Variants in PRAMEF27 observed in about 807,000 individuals in gnomAD.
The protein encoded by PRAMEF27 is PRAME family member 27.
PRAMEF27 carries 5 observed loss-of-function variants against 21.0 expected under a neutral mutation model. The ratio of observed to expected loss-of-function variants is 0.24; its 90% CI spans 0.12 to 0.50. The LOEUF is 0.50. PRAMEF27 is among the 20% of genes least tolerant of loss of function. The pLI, the probability that PRAMEF27 is intolerant of heterozygous loss-of-function variation, is 0.98. For synonymous variants in PRAMEF27, 61 were observed against 211.2 expected, an observed-to-expected ratio of 0.29 and a Z score of 6.17; for missense variants, 138 against 541.4, an observed-to-expected ratio of 0.25 and a Z score of 7.39.
At chr1:13,052,854 A>AT in intron 2 of PRAMEF27, 155 bp from the exon 3 acceptor site, 4 of 1,023,698 alleles carry the variant, frequency 3.9e-6, no homozygotes, top group Non-Finnish European at 2.5e-6. Context: ...CCACTTCCAC[A>AT]TTTTTTTGTT....
At chr1:13,053,750 C>G (rs1332868419) in intron 1 of PRAMEF27, 75 bp from the exon 2 acceptor site, 8 of 1,511,420 alleles carry the variant, frequency 5.3e-6, no homozygotes, top group Non-Finnish European at 7.0e-6. Flanking sequence ...CTCCTATGGC[C>G]AAACTCACTG....
Position 13,056,078 on chromosome 1 carries a change from T to C in PRAMEF27, c.-17+336A>G, listed in dbSNP as rs1170696122. 8.5e-5 allele frequency: 10 copies of C among 117,242 alleles called. 1 individual carries two copies. Among genetic ancestry groups the C allele is most frequent in the Non-Finnish European group, 1.6e-4 (10 of 63,424 alleles). The allele number at this position is 117,242 out of a possible 1,614,324, so 7.3% of individuals were successfully genotyped here. On this transcript the variant is annotated intron_variant, in intron 1 of 3. Transcript: ENST00000436041. ...CTCCACCCTCAAAAAAAACGTTGTG[T>C]AGAGGAGGGTTTTTGTCATGTTGCC...
At position 13,053,529 on chromosome 1, in the gene PRAMEF27, T is replaced by G; in HGVS notation, c.131A>C (p.Glu44Ala). ...CTCACAGCATCTCCTGCTGAAGGCC[T>G]CCATGAACAGTGGGGGGAAAAGTTC... is the stretch of plus-strand genomic sequence containing the variant. ...PTELFPPLFMEAFSRRCCEAL... is the reference protein window; with the variant it reads ...PTELFPPLFMAAFSRRCCEAL... The change falls in exon 2 of 4, where the codon GAG becomes GCG. Residue 44 changes from glutamate (E) to alanine (A), a missense_variant. By Grantham distance (107) the Glu-to-Ala change is moderately radical. Coordinates refer to ENST00000436041, the MANE Select transcript of PRAMEF27 (RefSeq NM_001300891.2). The G allele has an allele frequency of 1.3e-6, 2 of 1,503,778 alleles. No individual in the cohort carries two copies. Among genetic ancestry groups the G allele is most frequent in the Non-Finnish European group, 8.9e-7 (1 of 1,128,062 alleles). 93.2% of individuals were successfully genotyped at this position (1,503,778 alleles called of 1,614,324 possible). A position where few individuals can be genotyped will look rare whatever the true frequency, so the allele number is the denominator to read the frequency against.
At chr1:13,053,837 C>T (rs1642230167) in intron 1 of PRAMEF27, 162 bp from the exon 2 acceptor site, 6 of 1,030,180 alleles carry the variant, frequency 5.8e-6, no homozygotes, top group Non-Finnish European at 7.8e-6. Flanking sequence ...CAGCATTGTG[C>T]CTCTGCTGCA....
intron 1 of PRAMEF27, chr1:13,055,640 T>C (rs1314975697): frequency 2.0e-5 from 3 of 151,334 alleles, no homozygotes; most frequent in Non-Finnish European, 2.9e-5. Context: ...ATTTTGTTTT[T>C]GTTTTTGGAC....
chr1:13,056,278 AG>A (rs1412501334), intron 1 of PRAMEF27, 135 bp downstream of exon 1: 2 of 118,746 alleles, frequency 1.7e-5, no homozygotes, highest in African/African-American at 5.8e-5. Context: ...AAAAATTCAA[AG>A]CTTCAAATTG....
Position 13,053,855 on chromosome 1 carries a change from G to A in PRAMEF27, c.-16-180C>T, listed in dbSNP as rs1485633897. 169 of 894,596 alleles carry A rather than the reference G, an allele frequency of 1.9e-4. 21 individuals are homozygous for A. The highest frequency in any genetic ancestry group is 1.5e-3 in the Middle Eastern group (4 of 2,660). The allele number at this position is 894,596 out of a possible 1,614,324, so 55.4% of individuals were successfully genotyped here. On this transcript the variant is annotated intron_variant, in intron 1 of 3. Coordinates refer to ENST00000436041, the MANE Select transcript of PRAMEF27 (RefSeq NM_001300891.2). ...CATTGTGCCTCTGCTGCATCAGCATGAGCGTCTCCGAAGCAGTGAGGAAGC... is the reference window on the plus strand; with the variant it reads ...CATTGTGCCTCTGCTGCATCAGCATAAGCGTCTCCGAAGCAGTGAGGAAGC...
At position 13,053,495 on chromosome 1, in the gene PRAMEF27, C is replaced by T. The variant is rs1642225393; in HGVS notation, c.165G>A (p.Lys55=). 8.8e-6 allele frequency: 13 copies of T among 1,476,422 alleles called. 1 individual carries two copies. In the East Asian group the frequency reaches 2.8e-4, roughly 31 times the overall value. 91.5% of individuals were successfully genotyped at this position (1,476,422 alleles called of 1,614,324 possible). The stretch of plus-strand genomic sequence containing the variant: ...GGAAGGGCCAGGCCTGCACCATCAG[C>T]TTCAGGGCCTCACAGCATCTCCTGC... ...AFSRRCCEAL[K]LMVQAWPFRR... The change falls in exon 2 of 4, where the codon AAG becomes AAA. Residue 55 remains lysine, a synonymous_variant. Transcript: ENST00000436041.
intron 1 of PRAMEF27, 98 bp from the exon 2 acceptor site, chr1:13,053,773 T>C: frequency 7.0e-7 from 1 of 1,421,552 alleles, no homozygotes; most frequent in East Asian, 2.6e-5. Flanking sequence ...CTGGCAATGG[T>C]GAAACAGCCC....
chr1:13,053,789 T>C lies in PRAMEF27; in HGVS notation c.-16-114A>G. 2 of 1,337,448 alleles carry C rather than the reference T, an allele frequency of 1.5e-6. 1 individual carries two copies. 82.8% of individuals were successfully genotyped at this position (1,337,448 alleles called of 1,614,324 possible). A position where few individuals can be genotyped will look rare whatever the true frequency, so the allele number is the denominator to read the frequency against. Reference sequence around the variant, plus strand: ...TGGCAATGGTGAAACAGCCCTCAGTTTACTCCAATTCTGCCCTGTACTCAG... The same window carrying C: ...TGGCAATGGTGAAACAGCCCTCAGTCTACTCCAATTCTGCCCTGTACTCAG... On this transcript the variant is annotated intron_variant, in intron 1 of 3. Transcript: ENST00000436041.
intron 1 of PRAMEF27, chr1:13,055,637 T>C: frequency 6.6e-6 from 1 of 151,272 alleles, no homozygotes. Context: ...TTGATTTTGT[T>C]TTTGTTTTTG....
At chr1:13,056,328 G>A (rs1186134238) in intron 1 of PRAMEF27, 86 bp downstream of exon 1, 1 of 101,728 alleles carries the variant, frequency 9.8e-6, no homozygotes, top group Non-Finnish European at 1.8e-5. Context: ...ATATAGCTCT[G>A]TGCCATCGTA....
chr1:13,056,549 C>T lies in PRAMEF27; in HGVS notation c.-152G>A, dbSNP rs1350227009. The T allele has an allele frequency of 2.3e-5, 3 of 129,902 alleles. No individual in the cohort carries two copies. The East Asian group carries it at 6.3e-4, about 27-fold the overall frequency. The allele number at this position is 129,902 out of a possible 1,614,324, so 8.0% of individuals were successfully genotyped here. A position where few individuals can be genotyped will look rare whatever the true frequency, so the allele number is the denominator to read the frequency against. ...CCTTTCTAATCACAACTCCCACCCACGCCCTTCCACGTGTGCACTGCTAGC... is the reference window on the plus strand; with the variant it reads ...CCTTTCTAATCACAACTCCCACCCATGCCCTTCCACGTGTGCACTGCTAGC... On this transcript the variant is annotated 5_prime_UTR_variant, in exon 1 of 4. In the 5' UTR this introduces an upstream ATG that the reference lacks. Transcript: ENST00000436041.
At chr1:13,053,772 G>A in intron 1 of PRAMEF27, 97 bp from the exon 2 acceptor site, 1 of 1,427,606 alleles carries the variant, frequency 7.0e-7, no homozygotes, top group Non-Finnish European at 9.2e-7. Flanking sequence ...TCTGGCAATG[G>A]TGAAACAGCC....
At chr1:13,053,178 G>C in intron 2 of PRAMEF27, 189 bp downstream of exon 2, 1 of 583,406 alleles carries the variant, frequency 1.7e-6, no homozygotes, top group Non-Finnish European at 2.7e-6. Context: ...CATTAGAGGA[G>C]AGGTTCCTGT....
At chr1:13,056,159 G>A (rs1414264007) in intron 1 of PRAMEF27, 1 of 117,588 alleles carries the variant, frequency 8.5e-6, no homozygotes, top group African/African-American at 6.0e-5. Context: ...GCCTCCCAAA[G>A]TGTTGGGGTT....
At chr1:13,051,630 GAA>G (rs1316849734) in intron 3 of PRAMEF27, 3 of 116,704 alleles carry the variant, frequency 2.6e-5, no homozygotes, top group South Asian at 6.0e-4. Flanking sequence ...ATTCATCTCA[GAA>G]AAAAAAAAAG....
intron 1 of PRAMEF27, chr1:13,055,731 A>C (rs1292615872): frequency 6.1e-5 from 9 of 147,168 alleles, no homozygotes; most frequent in African/African-American, 2.1e-4. Context: ...TCTGGACTCA[A>C]GTGATTCTCC....
chr1:13,052,011 C>G, intron 3 of PRAMEF27, 107 bp downstream of exon 3: 3 of 1,491,438 alleles, frequency 2.0e-6, no homozygotes, highest in Non-Finnish European at 2.7e-6. Flanking sequence ...TCTAGTGTCC[C>G]CTTCACTGTT....
Sources: gnomAD v4.1 joint callset for allele counts on GRCh38, gnomAD v4.1.1 for gene constraint, MANE v1.5 for transcripts, NCBI Gene and HGNC (gene_info 2026-07-23, HGNC 2026-07-21) for gene names.